The following TP73 variants were observed in gnomAD, a reference collection of about 807,000 sequenced individuals.
TP73 encodes p53-like transcription factor.
TP73 carries 25 observed loss-of-function variants against 62.5 expected under a neutral mutation model. That is an observed-to-expected ratio of 0.40 (90% CI 0.29 to 0.56). The LOEUF (loss-of-function observed/expected upper bound fraction) is 0.56. Among genes scored for constraint, TP73 ranks in the 20% least tolerant of loss-of-function variants. TP73 has a pLI of 0.46. For synonymous variants in TP73, 423 were observed against 377.5 expected (o/e 1.12, Z -1.40); for missense variants, 754 against 913.3 (o/e 0.83, Z 2.25).
intron 3 of TP73, among the ~76,000 whole-genome samples, chr1:3,702,877 G>A (rs959529065): frequency 6.3e-4 from 96 of 152,314 alleles, no homozygotes; most frequent in Admixed American, 8.5e-4. Flanking sequence ...CGTGGCTTCC[G>A]GGGGCCCTCT....
chr1:3,682,419 C>T lies in TP73; in HGVS notation c.54C>T (p.Leu18=). 2 of 1,547,366 alleles carry T rather than the reference C, an allele frequency of 1.3e-6. No individual in the cohort carries two copies. Among genetic ancestry groups the T allele is most frequent in the South Asian group, 1.2e-5 (1 of 84,184 alleles). The change falls in exon 2 of 14, where the codon CTC becomes CTT. Residue 18 remains leucine, a synonymous_variant. Coordinates refer to ENST00000378295, the MANE Select transcript of TP73 (RefSeq NM_005427.4). ...ATGGGGGCACCACGTTTGAGCACCT[C>T]TGGAGCTCTCTGTGAGTGCGCTTGG... is the stretch of plus-strand genomic sequence containing the variant. ...SPDGGTTFEH[L]WSSLEPDSTY...
chr1:3,708,958 G>A (rs997482496), intron 4 of TP73, among the ~76,000 whole-genome samples: 2 of 152,244 alleles, frequency 1.3e-5, no homozygotes, highest in Admixed American at 6.5e-5. Flanking sequence ...CCTGTCGGGA[G>A]TGCTGAGCAA....
At chr1:3,678,929 C>A (rs915792737) in intron 1 of TP73, among the ~76,000 whole-genome samples, 11 of 152,248 alleles carry the variant, frequency 7.2e-5, no homozygotes, top group Non-Finnish European at 1.5e-4. Context: ...GACCCAACTC[C>A]TGGCGTGGAG....
In TP73 at chr1:3,672,954, G is replaced by A. The variant is rs1245307059; in HGVS notation, c.-33-9379G>A. Among the ~76,000 whole-genome samples, 1 of 152,208 alleles carries A rather than the reference G, an allele frequency of 6.6e-6. No homozygotes were observed. The highest frequency in any genetic ancestry group is 1.5e-5 in the Non-Finnish European group (1 of 68,042). On this transcript the variant is annotated intron_variant, in intron 1 of 13. Coordinates refer to ENST00000378295, the MANE Select transcript of TP73 (RefSeq NM_005427.4). This position sits in a 1 kb window ranked among gnomAD's most constrained non-coding sequence, Gnocchi z 5.3. ...ACCGCCCACTCCAAGGCGCAAGCAA[G>A]CTGGGGCTGGGGTGCAGACTTCTCT... is the stretch of plus-strand genomic sequence containing the variant.
intron 3 of TP73, among the ~76,000 whole-genome samples, chr1:3,695,198 G>T (rs955373428): frequency 6.6e-6 from 1 of 152,232 alleles, no homozygotes; most frequent in Non-Finnish European, 1.5e-5. Flanking sequence ...CTGGATGAGT[G>T]GGGCCCCTCT....
At position 3,719,890 on chromosome 1, in the gene TP73, T is replaced by TTGTGTGTGTGTGTG. The variant is rs5772122; in HGVS notation, c.430-2098_430-2085dup. Reference sequence around the variant, plus strand: ...TGTTTCTGCTTTTCTTTTTTTCTCTTTGTGTGTGTGTGTGTGTGTGTGTGT... The same window carrying TTGTGTGTGTGTGTG: ...TGTTTCTGCTTTTCTTTTTTTCTCTTTGTGTGTGTGTGTGTGTGTGTGTGTGTGTGTGTGTGTGT... On this transcript the variant is annotated intron_variant, in intron 4 of 13. Transcript: ENST00000378295. Among the ~76,000 whole-genome samples the TTGTGTGTGTGTGTG allele has an allele frequency of 4.8e-3, 628 of 132,184 alleles. 4 individuals are homozygous for TTGTGTGTGTGTGTG. Among genetic ancestry groups the TTGTGTGTGTGTGTG allele is most frequent in the African/African-American group, 9.2e-3 (308 of 33,566 alleles). The allele number at this position is 132,184 out of a possible 152,430, so 86.7% of individuals were successfully genotyped here. A position where few individuals can be genotyped will look rare whatever the true frequency, so the allele number is the denominator to read the frequency against.
chr1:3,697,351 C>T lies in TP73; in HGVS notation c.187-10198C>T, dbSNP rs576582795. 2.8e-3 allele frequency among the ~76,000 whole-genome samples: 434 copies of T among 152,364 alleles called. 1 individual carries two copies. The highest frequency in any genetic ancestry group is 9.9e-3 in the African/African-American group (411 of 41,598). ...CTATCCCCCTGGGCTCCGTCTCTCC[C>T]TGCACAGGCCCTCGGCCCTTCCTCT... On this transcript the variant is annotated intron_variant, in intron 3 of 13. Transcript: ENST00000378295.
intron 1 of TP73, among the ~76,000 whole-genome samples, chr1:3,681,051 C>T (rs1014911885): frequency 6.6e-6 from 1 of 152,246 alleles, no homozygotes; most frequent in East Asian, 1.9e-4. Flanking sequence ...GGCCAGCACC[C>T]TCTAAGCTGC....
intron 1 of TP73, among the ~76,000 whole-genome samples, chr1:3,669,904 A>G (rs901529088): frequency 6.6e-6 from 1 of 152,164 alleles, no homozygotes; most frequent in African/African-American, 2.4e-5. Context: ...GTGTGCGCAT[A>G]TGTGAATAGG....
At position 3,728,220 on chromosome 1, in the gene TP73, G is replaced by A; in HGVS notation, c.1074+3G>A. The A allele has an allele frequency of 1.2e-6, 2 of 1,611,232 alleles. No individual in the cohort carries two copies. The highest frequency in any genetic ancestry group is 1.1e-5 in the South Asian group (1 of 91,066). ...ACGAGGACACGTACTACCTTCAGGTGAGTGTGTGCTCCTGCACGGCAGCCG... is the reference window on the plus strand; with the variant it reads ...ACGAGGACACGTACTACCTTCAGGTAAGTGTGTGCTCCTGCACGGCAGCCG... On this transcript the variant is annotated splice_donor_region_variant and intron_variant, in intron 9 of 13. Transcript: ENST00000378295.
rs1056280354 is a variant in TP73, at chr1:3,734,204, AG to A, written c.*1128del. 1 of 152,388 alleles carries A rather than the reference AG, an allele frequency of 6.6e-6. No homozygotes were observed. The highest frequency in any genetic ancestry group is 1.5e-5 in the Non-Finnish European group (1 of 68,206). 9.4% of individuals were successfully genotyped at this position (152,388 alleles called of 1,614,324 possible). A position where few individuals can be genotyped will look rare whatever the true frequency, so the allele number is the denominator to read the frequency against. ...CTTTCCTTTCTAGGCGGTGGCAGTC[AG>A]GGAACAGACTGAGGTAGGTGTAGGG... On this transcript the variant is annotated 3_prime_UTR_variant, in exon 14 of 14. Coordinates refer to ENST00000378295, the MANE Select transcript of TP73 (RefSeq NM_005427.4). The surrounding 1 kb of genome is among the most constrained non-coding windows in gnomAD (Gnocchi z 4.4).
intron 1 of TP73, among the ~76,000 whole-genome samples, chr1:3,675,526 G>A (rs1053107912): frequency 5.9e-5 from 9 of 152,124 alleles, no homozygotes; most frequent in Non-Finnish European, 8.8e-5. Flanking sequence ...AGGACACCCT[G>A]CACCCCTCCT....
intron 7 of TP73, 47 bp downstream of exon 7, chr1:3,727,271 C>T (rs747883530): frequency 3.8e-6 from 6 of 1,559,100 alleles, no homozygotes; most frequent in Admixed American, 1.7e-5. Flanking sequence ...GCTGGGCAGG[C>T]ACGGCCGGGG....
intron 4 of TP73, among the ~76,000 whole-genome samples, chr1:3,719,890 TTGTGTGTGTGTG>T (rs5772122): frequency 5.8e-4 from 77 of 132,206 alleles, no homozygotes; most frequent in South Asian, 1.1e-3. Context: ...TTTTTTCTCT[TTGTGTGTGTGTG>T]TGTGTGTGTG....
chr1:3,723,952 G>A (rs1335722087), intron 6 of TP73, among the ~76,000 whole-genome samples: 2 of 152,280 alleles, frequency 1.3e-5, no homozygotes, highest in East Asian at 3.9e-4. Flanking sequence ...CAGGCCAGGG[G>A]CCCAGGAGAG....
chr1:3,698,773 C>G (rs1014008063), intron 3 of TP73, among the ~76,000 whole-genome samples: 1 of 152,190 alleles, frequency 6.6e-6, no homozygotes, highest in African/African-American at 2.4e-5. Flanking sequence ...CTGGAGTCAT[C>G]TGAAGTCACC....
At chr1:3,716,592 A>G (rs1222174509) in intron 4 of TP73, among the ~76,000 whole-genome samples, 2 of 152,182 alleles carry the variant, frequency 1.3e-5, no homozygotes, top group African/African-American at 2.4e-5. Context: ...CATCTGTCAG[A>G]GCCCAGCCTG....
Position 3,699,459 on chromosome 1 carries a change from C to G in TP73, c.187-8090C>G, listed in dbSNP as rs1310290326. 6.6e-6 allele frequency among the ~76,000 whole-genome samples: 1 copy of G among 152,204 alleles called. No individual in the cohort carries two copies. Among genetic ancestry groups the G allele is most frequent in the Non-Finnish European group, 1.5e-5 (1 of 68,032 alleles). On this transcript the variant is annotated intron_variant, in intron 3 of 13. Coordinates refer to ENST00000378295, the MANE Select transcript of TP73 (RefSeq NM_005427.4). The surrounding 1 kb of genome is among the most constrained non-coding windows in gnomAD (Gnocchi z 4.1). Reference sequence around the variant, plus strand: ...CAAGAGCTGGGGTCACAGCTCAGAGCCCCTGTCCAGGCTGGAGGGAGAAGG... The same window carrying G: ...CAAGAGCTGGGGTCACAGCTCAGAGGCCCTGTCCAGGCTGGAGGGAGAAGG...
chr1:3,686,548 G>A (rs1419345515), intron 3 of TP73, among the ~76,000 whole-genome samples: 3 of 152,206 alleles, frequency 2.0e-5, no homozygotes, highest in Non-Finnish European at 4.4e-5. Context: ...ACTGGCCCCT[G>A]CAGAGGAGGC....
Sources: allele counts gnomAD v4.1 joint callset (sites outside exome capture counted in the v4.1 genomes callset), GRCh38; gene constraint gnomAD v4.1.1; non-coding constraint Gnocchi (gnomAD v3.1); transcripts MANE v1.5; gene names NCBI Gene and HGNC (gene_info 2026-07-23, HGNC 2026-07-21).